CRIM1: variants seen among roughly 807,000 people sequenced by gnomAD.
CRIM1 encodes cysteine rich transmembrane BMP regulator 1.
CRIM1 carries 32 observed loss-of-function variants against 116.4 expected under a neutral mutation model. The observed-to-expected ratio is 0.27, with a 90% CI of 0.21 to 0.37. CRIM1 has a LOEUF of 0.37. Among genes scored for constraint, CRIM1 ranks in the 10% least tolerant of loss-of-function variants. The pLI, the probability that CRIM1 is intolerant of heterozygous loss-of-function variation, is 1.00. For synonymous variants in CRIM1, 590 were observed against 509.2 expected, an observed-to-expected ratio of 1.16 and a Z score of -2.13; for missense variants, 1,331 against 1,354.8, an observed-to-expected ratio of 0.98 and a Z score of 0.28.
At chr2:36,455,071 T>A (rs1677033218) in intron 4 of CRIM1, among the ~76,000 whole-genome samples, 1 of 152,098 alleles carries the variant, frequency 6.6e-6, no homozygotes, top group African/African-American at 2.4e-5. Context: ...TCTCAGTGAC[T>A]TTGAAGTGTC....
intron 2 of CRIM1, among the ~76,000 whole-genome samples, chr2:36,413,469 G>A (rs1239260579): frequency 1.3e-5 from 2 of 152,038 alleles, no homozygotes; most frequent in Non-Finnish European, 2.9e-5. Context: ...TCACACAAGC[G>A]GGAAAGGACG....
chr2:36,356,803 C>G lies in CRIM1; in HGVS notation c.331+180C>G, dbSNP rs548496801. ...CCTGCGTTCCCTCTCCTTGTTCCCCCCGACGCTTAGGCAGTCGCGGGCGAG... is the reference window on the plus strand; with the variant it reads ...CCTGCGTTCCCTCTCCTTGTTCCCCGCGACGCTTAGGCAGTCGCGGGCGAG... On this transcript the variant is annotated intron_variant, in intron 1 of 16. Transcript: ENST00000280527. This position sits in a 1 kb window ranked among gnomAD's most constrained non-coding sequence, Gnocchi z 4.3. Among the ~76,000 whole-genome samples, 39 of 152,350 alleles carry G rather than the reference C, an allele frequency of 2.6e-4. No individual in the cohort carries two copies. In the South Asian group the frequency reaches 7.0e-3, roughly 27 times the overall value.
intron 2 of CRIM1, among the ~76,000 whole-genome samples, chr2:36,427,932 T>C (rs1324053281): frequency 2.0e-5 from 3 of 152,248 alleles, no homozygotes; most frequent in African/African-American, 7.2e-5. Flanking sequence ...GACAGCACTA[T>C]AGCTGTCCTA....
At chr2:36,430,463 C>T (rs959273144) in intron 2 of CRIM1, among the ~76,000 whole-genome samples, 59 of 152,134 alleles carry the variant, frequency 3.9e-4, no homozygotes, top group African/African-American at 1.4e-3. Context: ...TTTGTTTTTG[C>T]TACAGGTCAA....
intron 14 of CRIM1, among the ~76,000 whole-genome samples, chr2:36,538,436 G>A (rs1403165353): frequency 2.0e-5 from 3 of 152,066 alleles, no homozygotes; most frequent in African/African-American, 4.8e-5. Flanking sequence ...GAGCTTTTCT[G>A]TCTTACCTCG....
intron 1 of CRIM1, among the ~76,000 whole-genome samples, chr2:36,383,860 A>G (rs1048522588): frequency 6.6e-6 from 1 of 152,218 alleles, no homozygotes; most frequent in Non-Finnish European, 1.5e-5. Flanking sequence ...TGGAGTGAAC[A>G]TGCATAGTAT....
chr2:36,431,030 C>T (rs1166145754), intron 2 of CRIM1, among the ~76,000 whole-genome samples: 1 of 152,186 alleles, frequency 6.6e-6, no homozygotes, highest in Non-Finnish European at 1.5e-5. Flanking sequence ...AGAAACAGCA[C>T]TTGAGAGTAA....
Position 36,480,576 on chromosome 2 carries a change from G to T in CRIM1, c.1372+882G>T, listed in dbSNP as rs139038681. 4.0e-3 allele frequency among the ~76,000 whole-genome samples: 611 copies of T among 152,260 alleles called. 6 individuals are homozygous for T. The highest frequency in any genetic ancestry group is 0.014 in the African/African-American group (565 of 41,552). ...ATCTTTCCAGAAAGTCAGTTAAGTA[G>T]ACTAAGTCTTTTAAGTGCGAAGAAA... On this transcript the variant is annotated intron_variant, in intron 7 of 16. Coordinates refer to ENST00000280527, the MANE Select transcript of CRIM1 (RefSeq NM_016441.3).
chr2:36,478,150 G>C (rs1204769744), intron 6 of CRIM1, among the ~76,000 whole-genome samples: 2 of 152,148 alleles, frequency 1.3e-5, no homozygotes, highest in East Asian at 3.8e-4. Context: ...TTGAAGATCT[G>C]AAAATGTTTA....
intron 4 of CRIM1, among the ~76,000 whole-genome samples, chr2:36,454,907 T>C (rs1677021037): frequency 6.6e-6 from 1 of 152,078 alleles, no homozygotes; most frequent in Non-Finnish European, 1.5e-5. Flanking sequence ...GGGAGACAGA[T>C]ACAGAAGGAG....
intron 5 of CRIM1, among the ~76,000 whole-genome samples, chr2:36,466,625 A>G (rs1356605866): frequency 6.6e-6 from 1 of 152,230 alleles, no homozygotes; most frequent in African/African-American, 2.4e-5. Context: ...GCTGGAGGAC[A>G]GGAGTCTGTC....
At chr2:36,462,886 T>C (rs1215419728) in intron 4 of CRIM1, among the ~76,000 whole-genome samples, 1 of 152,182 alleles carries the variant, frequency 6.6e-6, no homozygotes, top group Non-Finnish European at 1.5e-5. Flanking sequence ...TGACAAAGTA[T>C]GGGATGACCT....
chr2:36,535,566 TAGAC>T (rs972021593), intron 13 of CRIM1, among the ~76,000 whole-genome samples: 4 of 152,178 alleles, frequency 2.6e-5, no homozygotes, highest in Non-Finnish European at 1.5e-5. Context: ...TGTTGAACCT[TAGAC>T]AGCAGTAATG....
At chr2:36,398,786 T>A (rs1048850086) in intron 2 of CRIM1, among the ~76,000 whole-genome samples, 18 of 152,238 alleles carry the variant, frequency 1.2e-4, no homozygotes, top group Non-Finnish European at 2.9e-5. Context: ...ATTTCCCTTT[T>A]CTGAGAAGGA....
At chr2:36,372,244 T>G (rs1669992545) in intron 1 of CRIM1, among the ~76,000 whole-genome samples, 1 of 152,158 alleles carries the variant, frequency 6.6e-6, no homozygotes. Flanking sequence ...GGAATGCACT[T>G]TAAGGCATTT....
At chr2:36,373,042 G>A (rs1379778633) in intron 1 of CRIM1, among the ~76,000 whole-genome samples, 1 of 152,124 alleles carries the variant, frequency 6.6e-6, no homozygotes, top group East Asian at 1.9e-4. Flanking sequence ...AGACTTCCTA[G>A]GCAGGTATGT....
intron 4 of CRIM1, among the ~76,000 whole-genome samples, chr2:36,463,128 C>G (rs1178444425): frequency 6.6e-6 from 1 of 152,176 alleles, no homozygotes; most frequent in Non-Finnish European, 1.5e-5. Context: ...CCTCAAGGAG[C>G]CTACCTTGGG....
chr2:36,531,187 G>T (rs908832742), intron 13 of CRIM1, among the ~76,000 whole-genome samples: 4 of 152,206 alleles, frequency 2.6e-5, no homozygotes, highest in Admixed American at 1.3e-4. Context: ...TTCTAAAGCA[G>T]CCTGACTTCC....
At chr2:36,452,840 G>A (rs114935437) in intron 4 of CRIM1, among the ~76,000 whole-genome samples, 325 of 152,236 alleles carry the variant, frequency 2.1e-3, no homozygotes, top group African/African-American at 7.3e-3. Context: ...GTGGCCCTCC[G>A]AGTCGGACTG....
Sources: allele counts gnomAD v4.1 joint callset (sites outside exome capture counted in the v4.1 genomes callset), GRCh38; gene constraint gnomAD v4.1.1; non-coding constraint Gnocchi (gnomAD v3.1); transcripts MANE v1.5; gene names NCBI Gene and HGNC (gene_info 2026-07-23, HGNC 2026-07-21).